ZMAT3: variants seen among roughly 807,000 people sequenced by gnomAD.
ZMAT3 encodes the protein zinc finger matrin-type protein 3.
ZMAT3 carries 17 observed loss-of-function variants against 32.3 expected under a neutral mutation model. The observed-to-expected ratio is 0.53, with a 90% CI of 0.36 to 0.79. ZMAT3 has a LOEUF of 0.79. Among genes scored for constraint, ZMAT3 ranks in the 30% least tolerant of loss-of-function variants. The pLI, the probability that ZMAT3 is intolerant of heterozygous loss-of-function variation, is 0.00. For synonymous variants in ZMAT3, 120 were observed against 133.1 expected (o/e 0.90, Z 0.68); for missense variants, 329 against 359.7 (o/e 0.91, Z 0.69).
chr3:179,035,099 A>G (rs929785245), intron 2 of ZMAT3, among the ~76,000 whole-genome samples: 1 of 152,106 alleles, frequency 6.6e-6, no homozygotes, highest in East Asian at 1.9e-4. Context: ...AACTCTTCCA[A>G]TGGCTTTCTG....
chr3:179,042,161 G>C (rs891047431), intron 2 of ZMAT3, among the ~76,000 whole-genome samples: 2 of 152,188 alleles, frequency 1.3e-5, no homozygotes, highest in Admixed American at 1.3e-4. Context: ...GAGGTACAAA[G>C]AGGAGCTGGT....
chr3:179,029,780 G>C (rs975393811), intron 3 of ZMAT3, among the ~76,000 whole-genome samples: 1 of 152,134 alleles, frequency 6.6e-6, no homozygotes, highest in South Asian at 2.1e-4. Context: ...TTAATGTTTT[G>C]TTCACCACTA....
At position 179,018,222 on chromosome 3, in the gene ZMAT3, T is replaced by A. The variant is rs1229233617; in HGVS notation, c.*6795A>T. ...TATCATGTAGAGAATACACAAATAA[T>A]AATAAATGATATAGAACATTTATTA... On this transcript the variant is annotated 3_prime_UTR_variant, in exon 6 of 6. Transcript: ENST00000311417. The A allele has an allele frequency of 3.3e-5, 5 of 152,152 alleles. No individual in the cohort carries two copies. Among genetic ancestry groups the A allele is most frequent in the Non-Finnish European group, 7.3e-5 (5 of 68,030 alleles). The allele number at this position is 152,152 out of a possible 1,614,324, so 9.4% of individuals were successfully genotyped here.
At chr3:179,037,483 C>A (rs1409749062) in intron 2 of ZMAT3, among the ~76,000 whole-genome samples, 1 of 152,144 alleles carries the variant, frequency 6.6e-6, no homozygotes, top group Non-Finnish European at 1.5e-5. Flanking sequence ...TCAGCGGGCG[C>A]AGGATCCAGG....
At chr3:179,031,287 T>C (rs1035495984) in intron 2 of ZMAT3, among the ~76,000 whole-genome samples, 66 of 151,898 alleles carry the variant, frequency 4.3e-4, no homozygotes, top group Non-Finnish European at 5.9e-5. Flanking sequence ...ATCACGGTTT[T>C]AGGCTTCTAC....
chr3:179,039,532 C>A (rs1228219003), intron 2 of ZMAT3, among the ~76,000 whole-genome samples: 4 of 152,154 alleles, frequency 2.6e-5, no homozygotes, highest in Non-Finnish European at 5.9e-5. Context: ...GGAATAGCAT[C>A]AACATCAACA....
chr3:179,038,024 T>C (rs1407924461), intron 2 of ZMAT3, among the ~76,000 whole-genome samples: 1 of 152,030 alleles, frequency 6.6e-6, no homozygotes, highest in African/African-American at 2.4e-5. Context: ...GATGATATAA[T>C]AGATAATGGA....
At chr3:179,031,289 G>A (rs1719172293) in intron 2 of ZMAT3, among the ~76,000 whole-genome samples, 1 of 150,310 alleles carries the variant, frequency 6.7e-6, no homozygotes, top group Non-Finnish European at 1.5e-5. Flanking sequence ...CACGGTTTTA[G>A]GCTTCTACTA....
chr3:179,058,252 A>G (rs1333131704), intron 2 of ZMAT3, among the ~76,000 whole-genome samples: 1 of 152,244 alleles, frequency 6.6e-6, no homozygotes, highest in East Asian at 1.9e-4. Flanking sequence ...GTTTACTTAA[A>G]TATCAGGCTC....
At chr3:179,064,018 A>G (rs1185734265) in intron 2 of ZMAT3, among the ~76,000 whole-genome samples, 2 of 152,214 alleles carry the variant, frequency 1.3e-5, no homozygotes, top group Non-Finnish European at 2.9e-5. Flanking sequence ...GCTTAAAGGG[A>G]AGTATTTATT....
At chr3:179,068,253 T>G (rs915524695) in intron 1 of ZMAT3, among the ~76,000 whole-genome samples, 1 of 152,148 alleles carries the variant, frequency 6.6e-6, no homozygotes, top group African/African-American at 2.4e-5. Context: ...ACGCCTGTAA[T>G]CCCAGCATTT....
rs1330365291 is a variant in ZMAT3 at position 179,071,658 on chromosome 3, G to T, written c.-121C>A. On this transcript the variant is annotated 5_prime_UTR_variant, in exon 1 of 6. Transcript: ENST00000311417. ...TCCGCCCGGGACGCCCGCGACGCCCGCCCTGCGCGCCCGGCTCGGCCCAGC... is the reference window on the plus strand; with the variant it reads ...TCCGCCCGGGACGCCCGCGACGCCCTCCCTGCGCGCCCGGCTCGGCCCAGC... 1 of 152,178 alleles carries T rather than the reference G, an allele frequency of 6.6e-6. No individual in the cohort carries two copies. The highest frequency in any genetic ancestry group is 1.5e-5 in the Non-Finnish European group (1 of 68,104). 9.4% of individuals were successfully genotyped at this position (152,178 alleles called of 1,614,324 possible).
chr3:179,050,502 A>C (rs1318955204), intron 2 of ZMAT3, among the ~76,000 whole-genome samples: 1 of 152,206 alleles, frequency 6.6e-6, no homozygotes, highest in African/African-American at 2.4e-5. Flanking sequence ...AAAAAGTCCA[A>C]GACCAGAAAG....
At position 179,059,280 on chromosome 3, in the gene ZMAT3, A is replaced by C. The variant is rs963347340; in HGVS notation, c.270+8203T>G. On this transcript the variant is annotated intron_variant, in intron 2 of 5. Transcript: ENST00000311417. Reference sequence around the variant, plus strand: ...CTCAGAAGAAGAAATAGAATGGGGAACCTCACAGGGACATCATTTCCTCCC... The same window carrying C: ...CTCAGAAGAAGAAATAGAATGGGGACCCTCACAGGGACATCATTTCCTCCC... 5.3e-5 allele frequency among the ~76,000 whole-genome samples: 8 copies of C among 152,174 alleles called. 1 individual carries two copies. The highest frequency in any genetic ancestry group is 2.9e-5 in the Non-Finnish European group (2 of 68,018).
chr3:179,020,871 T>C lies in ZMAT3; in HGVS notation c.*4146A>G, dbSNP rs573053248. 1 of 152,382 alleles carries C rather than the reference T, an allele frequency of 6.6e-6. No homozygotes were observed. Among genetic ancestry groups the C allele is most frequent in the South Asian group, 2.1e-4 (1 of 4,832 alleles). 9.4% of individuals were successfully genotyped at this position (152,382 alleles called of 1,614,324 possible). A position where few individuals can be genotyped will look rare whatever the true frequency, so the allele number is the denominator to read the frequency against. On this transcript the variant is annotated 3_prime_UTR_variant, in exon 6 of 6. Transcript: ENST00000311417. ...GAAGGAAGATGTAACCAGACATACA[T>C]ATCTCCCTTTCTCCCTGTTCAAACT...
At chr3:179,058,834 T>G (rs1032093073) in intron 2 of ZMAT3, among the ~76,000 whole-genome samples, 2 of 124,108 alleles carry the variant, frequency 1.6e-5, no homozygotes, top group African/African-American at 5.2e-5. Context: ...ATGGAATACT[T>G]GAAAGTAATT....
Position 179,030,921 on chromosome 3 carries a change from C to A in ZMAT3, c.349G>T (p.Val117Phe). Residue 117 changes from valine (V) to phenylalanine (F), a missense_variant, in exon 3 of 6, where the codon GTC becomes TTC. Transcript: ENST00000311417. ...CPPPARMSNVVEPAATPVVPV... is the reference protein window; with the variant it reads ...CPPPARMSNVFEPAATPVVPV... The stretch of plus-strand genomic sequence containing the variant: ...ACAACTGGAGTAGCTGCAGGCTCGA[C>A]CACATTGCTCATTCTAGCAGGAGGA... The A allele has an allele frequency of 6.2e-7, 1 of 1,613,898 alleles. No individual in the cohort carries two copies. The highest frequency in any genetic ancestry group is 8.5e-7 in the Non-Finnish European group (1 of 1,179,890).
chr3:179,039,910 G>A (rs1247963891), intron 2 of ZMAT3, among the ~76,000 whole-genome samples: 1 of 152,122 alleles, frequency 6.6e-6, no homozygotes, highest in African/African-American at 2.4e-5. Flanking sequence ...GAAAACCATG[G>A]CATGGGAACT....
intron 2 of ZMAT3, among the ~76,000 whole-genome samples, chr3:179,051,634 T>C (rs768180128): frequency 6.6e-6 from 1 of 151,990 alleles, no homozygotes; most frequent in African/African-American, 2.4e-5. Context: ...TCAAATTCAA[T>C]GCAATTCTCA....
Sources: allele counts gnomAD v4.1 joint callset (sites outside exome capture counted in the v4.1 genomes callset), GRCh38; gene constraint gnomAD v4.1.1; transcripts MANE v1.5; gene names NCBI Gene and HGNC (gene_info 2026-07-23, HGNC 2026-07-21).